GFRA1: variants seen among roughly 807,000 people sequenced by gnomAD.
GFRA1 encodes GDNF family receptor alpha 1.
GFRA1 carries 16 observed loss-of-function variants against 51.6 expected under a neutral mutation model. The observed-to-expected ratio is 0.31, with a 90% CI of 0.21 to 0.47. GFRA1 has a LOEUF of 0.47. Among genes scored for constraint, GFRA1 ranks in the 20% least tolerant of loss-of-function variants. The pLI is 1.00. For missense variants in GFRA1, 530 were observed against 594.3 expected, an observed-to-expected ratio of 0.89 and a Z score of 1.13; for synonymous variants, 270 against 241.3, an observed-to-expected ratio of 1.12 and a Z score of -1.10.
At chr10:116,112,062 A>G (rs1429767849) in intron 6 of GFRA1, among the ~76,000 whole-genome samples, 1 of 152,364 alleles carries the variant, frequency 6.6e-6, no homozygotes, top group East Asian at 1.9e-4. Flanking sequence ...TCCAATAGGA[A>G]AAAAGCAAAT....
intron 4 of GFRA1, among the ~76,000 whole-genome samples, chr10:116,242,700 T>C (rs1967504306): frequency 6.6e-6 from 1 of 152,090 alleles, no homozygotes; most frequent in Non-Finnish European, 1.5e-5. Context: ...CAGGCTGGTC[T>C]TGAACTCCTG....
At position 116,270,945 on chromosome 10, in the gene GFRA1, C is replaced by A; in HGVS notation, c.211G>T (p.Glu71Ter). The change falls in exon 3 of 11, where the codon GAG (glutamate) becomes TAG (stop). Residue 71 changes from glutamate to a stop codon, truncating the protein, a stop_gained. Transcript: ENST00000355422. LOFTEE classifies it high-confidence loss of function. ...AGGGCCTCCATGGCGCTGCGGCACTCATCCTTGGCCTCCAGGCCGGATGCC... is the reference window on the plus strand; with the variant it reads ...AGGGCCTCCATGGCGCTGCGGCACTAATCCTTGGCCTCCAGGCCGGATGCC... Reference protein sequence around the residue: ...SLASGLEAKDECRSAMEALKQ... With the variant: ...SLASGLEAKD 1 of 1,614,208 alleles carries A rather than the reference C, an allele frequency of 6.2e-7. No homozygotes were observed. Among genetic ancestry groups the A allele is most frequent in the Non-Finnish European group, 8.5e-7 (1 of 1,180,050 alleles).
chr10:116,215,669 A>T (rs559627555), intron 4 of GFRA1, among the ~76,000 whole-genome samples: 1 of 152,346 alleles, frequency 6.6e-6, no homozygotes, highest in East Asian at 1.9e-4. Flanking sequence ...TCTTGCAGGA[A>T]TTGGAAATCA....
At chr10:116,222,504 T>C (rs961820832) in intron 4 of GFRA1, among the ~76,000 whole-genome samples, 3 of 152,138 alleles carry the variant, frequency 2.0e-5, no homozygotes, top group East Asian at 1.9e-4. Context: ...CAGTCATGGA[T>C]TGCATTTTGA....
At position 116,221,406 on chromosome 10, in the gene GFRA1, G is replaced by A. The variant is rs141107787; in HGVS notation, c.419-9761C>T. On this transcript the variant is annotated intron_variant, in intron 4 of 10. Transcript: ENST00000355422. ...CTCGTCCCTTCTAAGACACCCCAGAGAGAGAAGAGAATTCACGTTCATACT... is the reference window on the plus strand; with the variant it reads ...CTCGTCCCTTCTAAGACACCCCAGAAAGAGAAGAGAATTCACGTTCATACT... Among the ~76,000 whole-genome samples the A allele has an allele frequency of 3.3e-3, 496 of 152,296 alleles. 4 individuals are homozygous for A. The highest frequency in any genetic ancestry group is 0.012 in the African/African-American group (480 of 41,548).
chr10:116,274,028 G>A (rs1844129743), upstream of GFRA1, among the ~76,000 whole-genome samples: 1 of 152,196 alleles, frequency 6.6e-6, no homozygotes, highest in Non-Finnish European at 1.5e-5. Context: ...GCCAGACCTG[G>A]CTTTAGAAAA....
At chr10:116,225,775 T>G (rs1176972637) in intron 4 of GFRA1, among the ~76,000 whole-genome samples, 1 of 151,640 alleles carries the variant, frequency 6.6e-6, no homozygotes, top group Admixed American at 6.6e-5. Flanking sequence ...TTTTAGTAGA[T>G]ATGGGGTTTC....
chr10:116,251,963 CTTTTTTT>C (rs3032041), intron 4 of GFRA1, among the ~76,000 whole-genome samples: 2,641 of 79,850 alleles, frequency 0.033, 52 homozygotes, highest in Non-Finnish European at 0.044. Context: ...CAATAGGCCT[CTTTTTTT>C]TTTTTTTTTT....
intron 6 of GFRA1, among the ~76,000 whole-genome samples, chr10:116,099,080 T>C (rs1956718331): frequency 6.6e-6 from 1 of 152,236 alleles, no homozygotes; most frequent in African/African-American, 2.4e-5. Flanking sequence ...CCCTGGCAGC[T>C]ATACTTGGAG....
At chr10:116,257,016 G>A (rs2134734446) in intron 4 of GFRA1, among the ~76,000 whole-genome samples, 1 of 148,318 alleles carries the variant, frequency 6.7e-6, no homozygotes, top group East Asian at 2.0e-4. Context: ...TGCTGGGGTT[G>A]GGGCTGGGAC....
At chr10:116,267,549 T>C (rs905687294) in intron 4 of GFRA1, among the ~76,000 whole-genome samples, 4 of 152,094 alleles carry the variant, frequency 2.6e-5, no homozygotes, top group African/African-American at 9.7e-5. Flanking sequence ...CTTCCTTGCC[T>C]GCTTTCTCAC....
At chr10:116,103,088 G>A (rs773517874) in intron 6 of GFRA1, among the ~76,000 whole-genome samples, 3 of 152,242 alleles carry the variant, frequency 2.0e-5, no homozygotes, top group African/African-American at 4.8e-5. Context: ...CACTTTTCAC[G>A]CAGCCTCTCA....
intron 4 of GFRA1, among the ~76,000 whole-genome samples, chr10:116,257,805 G>A (rs1323938599): frequency 6.6e-6 from 1 of 152,054 alleles, no homozygotes; most frequent in Non-Finnish European, 1.5e-5. Flanking sequence ...TCCCATCTTC[G>A]ATGACAAAGG....
chr10:116,064,094 C>CATGATA lies in GFRA1; in HGVS notation c.*303_*304insTATCAT. ...TGATCATGATGATCATCATCATGAT[C>CATGATA]ATCATCATCATCGAAAACACAGCCC... is the stretch of plus-strand genomic sequence containing the variant. On this transcript the variant is annotated 3_prime_UTR_variant, in exon 11 of 11. Coordinates refer to ENST00000355422, the MANE Select transcript of GFRA1 (RefSeq NM_005264.8). 5.3e-6 allele frequency: 1 copy of CATGATA among 189,008 alleles called. No homozygotes were observed. Among genetic ancestry groups the CATGATA allele is most frequent in the Non-Finnish European group, 9.6e-6 (1 of 104,654 alleles). The allele number at this position is 189,008 out of a possible 1,614,324, so 11.7% of individuals were successfully genotyped here.
chr10:116,128,762 T>G (rs2134039927), intron 5 of GFRA1, among the ~76,000 whole-genome samples: 1 of 150,894 alleles, frequency 6.6e-6, no homozygotes, highest in African/African-American at 2.4e-5. Flanking sequence ...TTGGCCTAGG[T>G]TATACCTTCT....
rs752304936 is a variant in GFRA1 at position 116,064,043 on chromosome 10, C to G, written c.*355G>C. 2.1e-5 allele frequency: 2 copies of G among 97,248 alleles called. No homozygotes were observed. The highest frequency in any genetic ancestry group is 3.1e-5 in the Non-Finnish European group (2 of 63,850). The allele number at this position is 97,248 out of a possible 1,614,324, so 6.0% of individuals were successfully genotyped here. ...CCAGAAGTAAAACTGTTAAAATCAT[C>G]ATCATGATCATGATGATCATCATCA... On this transcript the variant is annotated 3_prime_UTR_variant, in exon 11 of 11. Transcript: ENST00000355422.
At chr10:116,230,137 G>T (rs2134557582) in intron 4 of GFRA1, among the ~76,000 whole-genome samples, 1 of 152,138 alleles carries the variant, frequency 6.6e-6, no homozygotes, top group Admixed American at 6.5e-5. Flanking sequence ...CAACCCAAAG[G>T]GCATCATCAA....
rs374974671 is a variant in GFRA1, at chr10:116,229,129, C to A, written c.419-17484G>T. ...TAGTCTAGTGAGACCCATGTTGGAC[C>A]TCTGGCCTACAGAACTATACACTAA... is the stretch of plus-strand genomic sequence containing the variant. On this transcript the variant is annotated intron_variant, in intron 4 of 10. Transcript: ENST00000355422. 9.2e-5 allele frequency among the ~76,000 whole-genome samples: 14 copies of A among 152,108 alleles called. No homozygotes were observed. In the South Asian group the frequency reaches 1.5e-3, roughly 16 times the overall value.
chr10:116,208,700 G>A lies in GFRA1; in HGVS notation c.433+2931C>T, dbSNP rs75533662. On this transcript the variant is annotated intron_variant, in intron 5 of 10. Transcript: ENST00000355422. Reference sequence around the variant, plus strand: ...AGTGGTATTGTTGTGATTTCCAAGCGGCTTGCTCAGTTTCTGTTCGATTTC... The same window carrying A: ...AGTGGTATTGTTGTGATTTCCAAGCAGCTTGCTCAGTTTCTGTTCGATTTC... Among the ~76,000 whole-genome samples, 1,401 of 152,254 alleles carry A rather than the reference G, an allele frequency of 9.2e-3. 24 individuals are homozygous for A. Among genetic ancestry groups the A allele is most frequent in the African/African-American group, 0.031 (1,308 of 41,538 alleles).
Sources: allele counts gnomAD v4.1 joint callset (sites outside exome capture counted in the v4.1 genomes callset), GRCh38; gene constraint gnomAD v4.1.1; transcripts MANE v1.5; gene names NCBI Gene and HGNC (gene_info 2026-07-23, HGNC 2026-07-21).